The following WWOX variants were observed in gnomAD, a reference collection of about 807,000 sequenced individuals.
WWOX encodes WW domain containing oxidoreductase.
WWOX carries 69 observed loss-of-function variants against 46.2 expected under a neutral mutation model. That is an observed-to-expected ratio of 1.49 (90% confidence interval 1.23 to 1.82). The LOEUF (loss-of-function observed/expected upper bound fraction) is 1.82. Among genes scored for constraint, WWOX ranks in the 40% most tolerant of loss-of-function variants. WWOX has a pLI of 0.00. For synonymous variants in WWOX, 359 were observed against 202.6 expected, an observed-to-expected ratio of 1.77 and a Z score of -6.56; for missense variants, 919 against 542.6, an observed-to-expected ratio of 1.69 and a Z score of -6.89.
intron 8 of WWOX, among the ~76,000 whole-genome samples, chr16:78,997,528 T>C (rs918783859): frequency 6.6e-6 from 1 of 152,214 alleles, no homozygotes; most frequent in Non-Finnish European, 1.5e-5. Flanking sequence ...TGCCCTTTGC[T>C]CTTTCTGGCT....
chr16:78,130,516 G>A (rs759559069), intron 4 of WWOX, among the ~76,000 whole-genome samples: 2 of 152,188 alleles, frequency 1.3e-5, no homozygotes, highest in Non-Finnish European at 2.9e-5. Context: ...AGCTGACTAT[G>A]GCTTATGTCT....
intron 8 of WWOX, among the ~76,000 whole-genome samples, chr16:78,508,970 G>A (rs540595168): frequency 8.5e-5 from 13 of 152,182 alleles, no homozygotes; most frequent in Admixed American, 5.2e-4. Context: ...GGCAAATAAC[G>A]AGATTTCGCC....
chr16:78,186,454 C>CA (rs2151758829), intron 5 of WWOX, among the ~76,000 whole-genome samples: 1 of 152,296 alleles, frequency 6.6e-6, no homozygotes, highest in South Asian at 2.1e-4. Context: ...TTATTCTTTA[C>CA]ATTCGTCTTT....
At chr16:79,192,799 T>A (rs752751476) in intron 8 of WWOX, among the ~76,000 whole-genome samples, 18 of 152,304 alleles carry the variant, frequency 1.2e-4, no homozygotes, top group Non-Finnish European at 2.4e-4. Context: ...CGTTTCACAT[T>A]TGAATCGCAA....
At chr16:78,756,685 G>A (rs60026659) in intron 8 of WWOX, among the ~76,000 whole-genome samples, 10,780 of 151,968 alleles carry the variant, frequency 0.071, 1,218 homozygotes, top group African/African-American at 0.24. Context: ...TCATTCTTCC[G>A]TTAAACTACC....
intron 8 of WWOX, among the ~76,000 whole-genome samples, chr16:78,835,421 G>A (rs2051951564): frequency 6.6e-6 from 1 of 152,150 alleles, no homozygotes. Flanking sequence ...CTTTAAAGGG[G>A]AAATATTCCT....
rs569810729 is a variant in WWOX, at chr16:79,061,641, G to A, written c.1057-149967G>A. Among the ~76,000 whole-genome samples, 17 of 152,298 alleles carry A rather than the reference G, an allele frequency of 1.1e-4. 1 individual carries two copies. Among genetic ancestry groups the A allele is most frequent in the African/African-American group, 3.1e-4 (13 of 41,576 alleles). ...TGAGCACTGATCCATGACAGTATTG[G>A]TTCAGGGGCAAAGAATGGGAGGAAA... On this transcript the variant is annotated intron_variant, in intron 8 of 8. Coordinates refer to ENST00000566780, the MANE Select transcript of WWOX (RefSeq NM_016373.4).
At chr16:78,214,145 G>C (rs906964430) in intron 5 of WWOX, among the ~76,000 whole-genome samples, 1 of 152,122 alleles carries the variant, frequency 6.6e-6, no homozygotes, top group African/African-American at 2.4e-5. Flanking sequence ...CCACATTGCA[G>C]ACTGACCCCC....
chr16:79,100,898 A>G (rs764482296), intron 8 of WWOX, among the ~76,000 whole-genome samples: 3 of 151,810 alleles, frequency 2.0e-5, no homozygotes, highest in Non-Finnish European at 2.9e-5. Flanking sequence ...AACTAGCTCC[A>G]TTTGTATGTT....
chr16:78,695,397 C>G (rs1359297781), intron 8 of WWOX, among the ~76,000 whole-genome samples: 1 of 152,116 alleles, frequency 6.6e-6, no homozygotes, highest in African/African-American at 2.4e-5. Flanking sequence ...GCTCCTCTTG[C>G]CCTATTTGCC....
intron 8 of WWOX, among the ~76,000 whole-genome samples, chr16:78,721,846 A>T (rs2048699329): frequency 6.6e-6 from 1 of 152,164 alleles, no homozygotes; most frequent in Admixed American, 6.5e-5. Context: ...TGTCCATATG[A>T]AGAGGTTGGC....
At chr16:78,952,495 G>C (rs1269476610) in intron 8 of WWOX, among the ~76,000 whole-genome samples, 1 of 151,128 alleles carries the variant, frequency 6.6e-6, no homozygotes, top group Non-Finnish European at 1.5e-5. Flanking sequence ...CGATTCTCCT[G>C]CCTCTGCCTC....
chr16:78,831,159 A>C (rs2051811266), intron 8 of WWOX, among the ~76,000 whole-genome samples: 1 of 152,112 alleles, frequency 6.6e-6, no homozygotes, highest in African/African-American at 2.4e-5. Flanking sequence ...AACCACTCAG[A>C]ATTTGGGGGC....
intron 8 of WWOX, chr16:78,981,900 G>A (rs372948757): frequency 1.3e-5 from 2 of 152,222 alleles, no homozygotes; most frequent in African/African-American, 2.4e-5. Flanking sequence ...AAAGCAAGAA[G>A]ACTCCTTCAA....
At chr16:78,180,981 G>T (rs1440683813) in intron 5 of WWOX, among the ~76,000 whole-genome samples, 3 of 152,168 alleles carry the variant, frequency 2.0e-5, no homozygotes, top group Non-Finnish European at 4.4e-5. Flanking sequence ...AAACCTTCTT[G>T]TTTTCTACTA....
At chr16:79,189,454 T>A in intron 8 of WWOX, among the ~76,000 whole-genome samples, 1 of 148,478 alleles carries the variant, frequency 6.7e-6, no homozygotes, top group South Asian at 2.1e-4. Context: ...TGTGTGTGTG[T>A]GTGTGTGTGT....
intron 4 of WWOX, among the ~76,000 whole-genome samples, chr16:78,116,959 C>G (rs897618338): frequency 2.0e-5 from 3 of 152,168 alleles, no homozygotes; most frequent in Non-Finnish European, 4.4e-5. Flanking sequence ...AGATTTGCAA[C>G]AGCAGACCTG....
At chr16:79,078,804 G>A (rs2048707111) in intron 8 of WWOX, among the ~76,000 whole-genome samples, 2 of 152,180 alleles carry the variant, frequency 1.3e-5, no homozygotes. Context: ...TCTCCAAGTG[G>A]TGATAATGAG....
At chr16:78,891,772 G>A (rs958348398) in intron 8 of WWOX, 2 of 152,108 alleles carry the variant, frequency 1.3e-5, no homozygotes, top group South Asian at 2.1e-4. Context: ...CCACTGCTGG[G>A]TATTCTTCTA....
Sources: allele counts gnomAD v4.1 joint callset (sites outside exome capture counted in the v4.1 genomes callset), GRCh38; gene constraint gnomAD v4.1.1; transcripts MANE v1.5; gene names NCBI Gene and HGNC (gene_info 2026-07-23, HGNC 2026-07-21).